Variants in REDIC1 observed in about 807,000 individuals in gnomAD.
REDIC1 encodes the protein HEI10 Interacting Protein 1.
the REDIC1 span, among the ~76,000 whole-genome samples, chr12:39,867,104 C>T: frequency 1.3e-5 from 2 of 152,142 alleles, no homozygotes; most frequent in Non-Finnish European, 2.9e-5. Flanking sequence ...GATCATACCT[C>T]TCTCCTAAAA....
At chr12:39,896,564 A>G in the REDIC1 span, among the ~76,000 whole-genome samples, 815 of 110,826 alleles carry the variant, frequency 7.4e-3, 17 homozygotes, top group African/African-American at 0.021. Flanking sequence ...ATGTATACAT[A>G]TATGTATGTA....
chr12:39,669,497 G>A, the REDIC1 span, among the ~76,000 whole-genome samples: 491 of 152,304 alleles, frequency 3.2e-3, 13 homozygotes, highest in East Asian at 0.075. Flanking sequence ...CTACTCGGGC[G>A]TCAGGGACCC....
the REDIC1 span, among the ~76,000 whole-genome samples, chr12:39,823,922 T>C: frequency 6.6e-6 from 1 of 152,204 alleles, no homozygotes; most frequent in Non-Finnish European, 1.5e-5. Context: ...ATTACTTCAA[T>C]TTTTTCCTAA....
chr12:39,782,571 C>A, the REDIC1 span, among the ~76,000 whole-genome samples: 1 of 152,076 alleles, frequency 6.6e-6, no homozygotes, highest in East Asian at 1.9e-4. Context: ...TCTTTATCAG[C>A]AGCATGAAAA....
At chr12:39,749,339 C>T in the REDIC1 span, among the ~76,000 whole-genome samples, 44 of 152,178 alleles carry the variant, frequency 2.9e-4, no homozygotes, top group African/African-American at 6.5e-4. Flanking sequence ...ATAAATTCCT[C>T]GACACATACA....
At chr12:39,711,416 TGTAC>T in the REDIC1 span, among the ~76,000 whole-genome samples, 22 of 136,816 alleles carry the variant, frequency 1.6e-4, no homozygotes, top group Non-Finnish European at 3.2e-4. Context: ...GATGTATATA[TGTAC>T]TTATGTGTAT....
At chr12:39,660,086 T>C in the REDIC1 span, among the ~76,000 whole-genome samples, 2,723 of 152,238 alleles carry the variant, frequency 0.018, 78 homozygotes, top group African/African-American at 0.061. Flanking sequence ...ATCAAAATTT[T>C]CCCCCCTAGT....
At chr12:39,698,605 G>A in the REDIC1 span, among the ~76,000 whole-genome samples, 1 of 152,048 alleles carries the variant, frequency 6.6e-6, no homozygotes, top group African/African-American at 2.4e-5. Flanking sequence ...AACAAAACAA[G>A]TCTTAAAACA....
At chr12:39,713,981 A>G in the REDIC1 span, among the ~76,000 whole-genome samples, 1 of 148,134 alleles carries the variant, frequency 6.8e-6, no homozygotes, top group South Asian at 2.1e-4. Context: ...GCATATACGT[A>G]TATATACATG....
the REDIC1 span, among the ~76,000 whole-genome samples, chr12:39,792,431 A>G: frequency 7.9e-5 from 12 of 152,312 alleles, no homozygotes; most frequent in African/African-American, 2.6e-4. Flanking sequence ...CATCAGAGTG[A>G]ACAGGCAACA....
At chr12:39,907,588 G>A in the REDIC1 span, 1 of 152,068 alleles carries the variant, frequency 6.6e-6, no homozygotes, top group Non-Finnish European at 1.5e-5. Flanking sequence ...TATGTTAAAC[G>A]ATGATCTAAT....
chr12:39,631,340 G>C, the REDIC1 span, among the ~76,000 whole-genome samples: 11 of 152,036 alleles, frequency 7.2e-5, no homozygotes, highest in African/African-American at 1.7e-4. Flanking sequence ...TGAATATAAG[G>C]CTTTTAAAAT....
chr12:39,698,679 A>G, the REDIC1 span, among the ~76,000 whole-genome samples: 188 of 152,368 alleles, frequency 1.2e-3, no homozygotes, highest in Non-Finnish European at 2.3e-3. Context: ...ACTAGAAATA[A>G]TGAGGAATTT....
At chr12:39,712,453 C>A in the REDIC1 span, among the ~76,000 whole-genome samples, 1 of 40,374 alleles carries the variant, frequency 2.5e-5, no homozygotes, top group Non-Finnish European at 7.5e-5. Flanking sequence ...TGTATACATA[C>A]GTATATATAC....
At chr12:39,799,482 C>T in the REDIC1 span, among the ~76,000 whole-genome samples, 1 of 151,848 alleles carries the variant, frequency 6.6e-6, no homozygotes, top group East Asian at 1.9e-4. Context: ...CCCAGAATAA[C>T]CTCTAAAATT....
chr12:39,811,030 A>G, the REDIC1 span, among the ~76,000 whole-genome samples: 7 of 152,118 alleles, frequency 4.6e-5, no homozygotes, highest in African/African-American at 1.4e-4. Flanking sequence ...TATCTGGTTT[A>G]ATTCACCAAT....
chr12:39,733,957 A>G, the REDIC1 span, among the ~76,000 whole-genome samples: 1 of 152,164 alleles, frequency 6.6e-6, no homozygotes, highest in Non-Finnish European at 1.5e-5. Context: ...GTATGAAAAA[A>G]AAACTCCTGC....
chr12:39,632,264 A>G, the REDIC1 span, among the ~76,000 whole-genome samples: 1 of 151,498 alleles, frequency 6.6e-6, no homozygotes, highest in Non-Finnish European at 1.5e-5. Flanking sequence ...CGCCTGGCTA[A>G]TTTTTGTATT....
the REDIC1 span, among the ~76,000 whole-genome samples, chr12:39,780,568 G>A: frequency 6.6e-6 from 1 of 152,182 alleles, no homozygotes; most frequent in Non-Finnish European, 1.5e-5. Flanking sequence ...TTTTGACTCA[G>A]TATCCATTTG....
Sources: gnomAD v4.1 joint callset for allele counts (sites outside exome capture counted in the v4.1 genomes callset) on GRCh38, gnomAD v4.1.1 for gene constraint, MANE v1.5 for transcripts, NCBI Gene and HGNC (gene_info 2026-07-23, HGNC 2026-07-21) for gene names.